Variants in CFHR5 observed in about 807,000 individuals in gnomAD.
CFHR5 encodes complement factor H related 5, also known as complement factor H-related protein 5.
CFHR5 carries 73 observed loss-of-function variants against 62.9 expected under a neutral mutation model. That is an observed-to-expected ratio of 1.16 (90% CI 0.96 to 1.41). The LOEUF (loss-of-function observed/expected upper bound fraction) is 1.41, where lower values mean the gene tolerates loss of function less well. Ranked by LOEUF, CFHR5 falls within the 40% of genes most tolerant of loss-of-function variation. The pLI, the probability that CFHR5 is intolerant of heterozygous loss-of-function variation, is 0.00. For missense variants in CFHR5, 779 were observed against 679.9 expected (o/e 1.15, Z -1.62); for synonymous variants, 249 against 227.2 (o/e 1.10, Z -0.86).
chr1:196,986,372 T>TA (rs1553313688), intron 3 of CFHR5, among the ~76,000 whole-genome samples: 57 of 150,834 alleles, frequency 3.8e-4, no homozygotes, highest in Middle Eastern at 3.4e-3. Context: ...TATTTTCTTT[T>TA]TATATATATA....
At position 197,008,856 on chromosome 1, in the gene CFHR5, A is replaced by G; in HGVS notation, c.*173A>G. On this transcript the variant is annotated 3_prime_UTR_variant, in exon 10 of 10. Coordinates refer to ENST00000256785, the MANE Select transcript of CFHR5 (RefSeq NM_030787.4). ...TAGAAATTTGTAAGCTGAGAGAACA[A>G]TGTTTCACTTAATAGGAGGGTGTCT... 1.6e-6 allele frequency: 1 copy of G among 624,540 alleles called. No individual in the cohort carries two copies. Among genetic ancestry groups the G allele is most frequent in the Non-Finnish European group, 2.9e-6 (1 of 350,522 alleles). The allele number at this position is 624,540 out of a possible 1,614,324, so 38.7% of individuals were successfully genotyped here.
chr1:197,002,444 T>G, intron 7 of CFHR5, 38 bp from the exon 8 acceptor site: 1 of 1,546,612 alleles, frequency 6.5e-7, no homozygotes, highest in East Asian at 2.3e-5. Flanking sequence ...TTTACTTAAC[T>G]TTTATTAATC....
rs752225304 is a variant in CFHR5, at chr1:196,996,080, T to C, written c.849T>C (p.Ser283=). 10 of 1,613,926 alleles carry C rather than the reference T, an allele frequency of 6.2e-6. No individual in the cohort carries two copies. In the South Asian group the frequency reaches 8.8e-5, roughly 14 times the overall value. The change falls in exon 6 of 10, where the codon TCT becomes TCC. Residue 283 remains serine (S), a synonymous_variant. Transcript: ENST00000256785. ...TCGAGTACGGTTATGTTCAGCCGTC[T>C]GTCCCTCCCTATCAACATGGAGTTT... ...PELEYGYVQP[S]VPPYQHGVSV...
chr1:197,005,667 C>T (rs1432066106), intron 9 of CFHR5, among the ~76,000 whole-genome samples: 1 of 152,122 alleles, frequency 6.6e-6, no homozygotes, highest in Admixed American at 6.5e-5. Context: ...CCATAAACCC[C>T]TCTGTTTTCT....
At chr1:197,005,281 A>G (rs1191904625) in intron 9 of CFHR5, among the ~76,000 whole-genome samples, 1 of 152,200 alleles carries the variant, frequency 6.6e-6, no homozygotes, top group Non-Finnish European at 1.5e-5. Context: ...ACTAATACTG[A>G]CATGGCTTTT....
intron 6 of CFHR5, among the ~76,000 whole-genome samples, chr1:196,997,504 T>C (rs749894230): frequency 6.6e-6 from 1 of 152,152 alleles, no homozygotes; most frequent in Non-Finnish European, 1.5e-5. Flanking sequence ...TACATGTTTA[T>C]GGGAAACGGG....
At chr1:197,007,000 C>A (rs1654306785) in intron 9 of CFHR5, among the ~76,000 whole-genome samples, 1 of 151,672 alleles carries the variant, frequency 6.6e-6, no homozygotes, top group Non-Finnish European at 1.5e-5. Flanking sequence ...CCATGCCCGG[C>A]TAATTTTTGT....
chr1:196,993,283 T>G (rs980738651), intron 3 of CFHR5, among the ~76,000 whole-genome samples: 1 of 152,126 alleles, frequency 6.6e-6, no homozygotes, highest in Non-Finnish European at 1.5e-5. Flanking sequence ...TTGTATCCTG[T>G]TTGGGTGTTT....
chr1:196,975,466 G>A (rs769688853), upstream of CFHR5, among the ~76,000 whole-genome samples: 1 of 152,190 alleles, frequency 6.6e-6, no homozygotes, highest in Non-Finnish European at 1.5e-5. Flanking sequence ...ATAATTGAAA[G>A]AGCAAAATCC....
chr1:197,007,024 A>G (rs1216404772), intron 9 of CFHR5, among the ~76,000 whole-genome samples: 1 of 151,512 alleles, frequency 6.6e-6, no homozygotes, highest in East Asian at 2.0e-4. Context: ...CTTAGTAGAG[A>G]CAGGGTTTCA....
rs1322378372 is a variant in CFHR5 at position 196,982,895 on chromosome 1, T to C, written c.69T>C (p.Cys23=). 1 of 1,613,964 alleles carries C rather than the reference T, an allele frequency of 6.2e-7. No individual in the cohort carries two copies. The highest frequency in any genetic ancestry group is 1.7e-4 in the Middle Eastern group (1 of 6,060). ...TGTTATTTTTCCCAGGAACACTTTG[T>C]GATTTTCCAAAAATACACCATGGAT... ...VSTVGGEGTL[C]DFPKIHHGFL... Residue 23 remains cysteine, a synonymous_variant, in exon 2 of 10, where the codon TGT becomes TGC. Transcript: ENST00000256785.
chr1:197,005,640 G>A (rs2125040275), intron 9 of CFHR5, among the ~76,000 whole-genome samples: 1 of 152,188 alleles, frequency 6.6e-6, no homozygotes, highest in East Asian at 1.9e-4. Flanking sequence ...ATAATAAGTG[G>A]AAGAAAACTG....
At position 196,977,740 on chromosome 1, in the gene CFHR5, C is replaced by A; in HGVS notation, c.58+18C>A. On this transcript the variant is annotated intron_variant, in intron 1 of 9. Coordinates refer to ENST00000256785, the MANE Select transcript of CFHR5 (RefSeq NM_030787.4). ...GGGAGAAGGTAAGTTGAAAACAGAT[C>A]CGAATATTTTAGTTCCTTTTCAAAT... 1 of 1,580,552 alleles carries A rather than the reference C, an allele frequency of 6.3e-7. No individual in the cohort carries two copies. Among genetic ancestry groups the A allele is most frequent in the African/African-American group, 1.3e-5 (1 of 74,494 alleles).
At chr1:196,995,267 A>G (rs540017791) in intron 4 of CFHR5, among the ~76,000 whole-genome samples, 1 of 152,262 alleles carries the variant, frequency 6.6e-6, no homozygotes, top group East Asian at 1.9e-4. Flanking sequence ...GGATGTTTAA[A>G]TATAGAGAGG....
At chr1:197,007,962 ATATTATG>A (rs1477848238) in intron 9 of CFHR5, among the ~76,000 whole-genome samples, 2 of 147,590 alleles carry the variant, frequency 1.4e-5, no homozygotes, top group South Asian at 2.1e-4. Flanking sequence ...TATACACATT[ATATTATG>A]TATTATGTAT....
intron 2 of CFHR5, 135 bp downstream of exon 2, chr1:196,983,214 C>T (rs1034998228): frequency 1.6e-4 from 175 of 1,116,082 alleles, no homozygotes; most frequent in Admixed American, 2.1e-4. Flanking sequence ...TGTAGTCCTC[C>T]TATTTTGAGA....
At chr1:196,997,549 C>A (rs1175288987) in intron 6 of CFHR5, among the ~76,000 whole-genome samples, 1 of 152,044 alleles carries the variant, frequency 6.6e-6, no homozygotes, top group Non-Finnish European at 1.5e-5. Context: ...CTTAGACAAG[C>A]AAGAGGCTTA....
chr1:196,989,864 G>T (rs540621802), intron 3 of CFHR5, among the ~76,000 whole-genome samples: 1 of 152,132 alleles, frequency 6.6e-6, no homozygotes, highest in Non-Finnish European at 1.5e-5. Context: ...GAAGTGGAGA[G>T]TTCTGTAGAT....
chr1:197,007,343 C>A (rs1654315376), intron 9 of CFHR5, among the ~76,000 whole-genome samples: 1 of 151,898 alleles, frequency 6.6e-6, no homozygotes, highest in South Asian at 2.1e-4. Context: ...AGGTGCTTAA[C>A]ACATAAGAAT....
Sources: allele counts gnomAD v4.1 joint callset (sites outside exome capture counted in the v4.1 genomes callset), GRCh38; gene constraint gnomAD v4.1.1; transcripts MANE v1.5; gene names NCBI Gene and HGNC (gene_info 2026-07-23, HGNC 2026-07-21).